The following TTLL9 variants were observed in gnomAD, a reference collection of about 807,000 sequenced individuals.
TTLL9 encodes tubulin tyrosine ligase like 9.
A neutral mutation model predicts 65.6 loss-of-function variants in TTLL9; 47 were observed. The observed-to-expected ratio is 0.72, with a 90% CI of 0.57 to 0.91. The LOEUF is 0.91. Ranked by LOEUF, TTLL9 falls within the 40% of genes least tolerant of loss-of-function variation. TTLL9 has a pLI of 0.00. For missense variants in TTLL9, 537 were observed against 568.8 expected, an observed-to-expected ratio of 0.94 and a Z score of 0.57; for synonymous variants, 179 against 204.8, an observed-to-expected ratio of 0.87 and a Z score of 1.07.
chr20:31,891,437 G>A (rs6061020), intron 3 of TTLL9, among the ~76,000 whole-genome samples: 59,321 of 151,652 alleles, frequency 0.39, 12,974 homozygotes, highest in African/African-American at 0.57. Context: ...TCTATTGCAT[G>A]TATTTTTAGT....
At chr20:31,880,321 AT>A (rs1215159372) in intron 2 of TTLL9, among the ~76,000 whole-genome samples, 1 of 152,096 alleles carries the variant, frequency 6.6e-6, no homozygotes, top group African/African-American at 2.4e-5. Context: ...AACAACGCTA[AT>A]TAGTGTCTTT....
At chr20:31,938,108 C>A (rs1352666575) in intron 13 of TTLL9, 1 of 319,790 alleles carries the variant, frequency 3.1e-6, no homozygotes, top group African/African-American at 2.6e-5. Flanking sequence ...CTCTCCCTCT[C>A]CCTCCCTCCC....
At chr20:31,928,487 C>A (rs867198400) in intron 10 of TTLL9, among the ~76,000 whole-genome samples, 136 of 151,024 alleles carry the variant, frequency 9.0e-4, no homozygotes, top group African/African-American at 3.2e-3. Flanking sequence ...CATTTTTAAC[C>A]TGACTTCATT....
chr20:31,920,035 A>T, intron 7 of TTLL9, 103 bp downstream of exon 7: 11 of 1,078,060 alleles, frequency 1.0e-5, no homozygotes, highest in Non-Finnish European at 1.4e-5. Context: ...CTGGCAGAGA[A>T]ACTCTGCCCA....
intron 14 of TTLL9, 94 bp from the exon 15 acceptor site, chr20:31,942,851 G>T: frequency 8.1e-7 from 1 of 1,233,516 alleles, no homozygotes. Flanking sequence ...TCTGACTCCC[G>T]CTGTCCCCTC....
rs1491310990 is a variant in TTLL9, at chr20:31,873,673, A to AG, written c.69+2478_69+2479insG. Among the ~76,000 whole-genome samples, 42 of 127,738 alleles carry AG rather than the reference A, an allele frequency of 3.3e-4. 1 individual carries two copies. The highest frequency in any genetic ancestry group is 1.3e-3 in the African/African-American group (38 of 29,440). 83.8% of individuals were successfully genotyped at this position (127,738 alleles called of 152,430 possible). ...AAAAAAAAAGACAAAAGAAAGAAAG[A>AG]AAGAGAGAGAGAGAAAGAAAGAAAG... On this transcript the variant is annotated intron_variant, in intron 2 of 14. Transcript: ENST00000535842.
intron 3 of TTLL9, among the ~76,000 whole-genome samples, chr20:31,896,987 T>C (rs2063396916): frequency 6.6e-6 from 1 of 152,240 alleles, no homozygotes; most frequent in African/African-American, 2.4e-5. Context: ...TGGTCTGTGG[T>C]TTACTTCTTG....
rs1255743451 is a variant in TTLL9 at position 31,926,049 on chromosome 20, G to C, written c.706G>C (p.Val236Leu). The change falls in exon 10 of 15, where the codon GTG (valine) becomes CTG (leucine). Residue 236 changes from valine (V) to leucine (L), a missense_variant and splice_region_variant. By Grantham distance (32) the Val-to-Leu change is conservative. Transcript: ENST00000535842. ...CCAAGTGAACTCCTTTGTCCCACAG[G>C]TGTTTGCTGAATGCCTGCTGTGGTC... ...DLRVYVLVMS[V>L]FAECLLWSGH... is the part of the protein sequence containing the mutation. The C allele has an allele frequency of 6.2e-7, 1 of 1,613,842 alleles. No homozygotes were observed. The highest frequency in any genetic ancestry group is 8.5e-7 in the Non-Finnish European group (1 of 1,179,946).
chr20:31,942,377 A>C (rs1409683694), intron 14 of TTLL9, among the ~76,000 whole-genome samples: 1 of 152,188 alleles, frequency 6.6e-6, no homozygotes, highest in East Asian at 1.9e-4. Context: ...ATTGGGGGCC[A>C]CATGTACGGA....
intron 6 of TTLL9, among the ~76,000 whole-genome samples, chr20:31,911,599 C>G (rs189341013): frequency 6.6e-6 from 1 of 152,168 alleles, no homozygotes; most frequent in Non-Finnish European, 1.5e-5. Flanking sequence ...TGAGGAAGGC[C>G]GTGGCTGGAG....
intron 6 of TTLL9, among the ~76,000 whole-genome samples, chr20:31,918,775 C>T (rs1028230170): frequency 1.3e-5 from 2 of 152,228 alleles, no homozygotes; most frequent in Non-Finnish European, 2.9e-5. Context: ...CTGATGCACA[C>T]TTATTAGTTG....
At chr20:31,940,134 T>C (rs986036340) in intron 14 of TTLL9, 2 of 152,198 alleles carry the variant, frequency 1.3e-5, no homozygotes, top group Admixed American at 1.3e-4. Context: ...AGCAGAATTA[T>C]TGGGCCAAAG....
At chr20:31,926,610 C>T (rs1448393690) in intron 10 of TTLL9, among the ~76,000 whole-genome samples, 1 of 152,156 alleles carries the variant, frequency 6.6e-6, no homozygotes, top group Admixed American at 6.5e-5. Context: ...ATTCACTGCA[C>T]AGCCTTGTTT....
chr20:31,920,540 TG>T (rs1260377585), intron 7 of TTLL9: 1 of 152,446 alleles, frequency 6.6e-6, no homozygotes, highest in Non-Finnish European at 1.5e-5. Context: ...TGGTGCAGGG[TG>T]GGTGGGAGGA....
intron 4 of TTLL9, among the ~76,000 whole-genome samples, chr20:31,899,559 A>G (rs1401193105): frequency 3.3e-5 from 5 of 152,008 alleles, no homozygotes; most frequent in African/African-American, 1.2e-4. Flanking sequence ...GCTTGAGCCG[A>G]AGAGGTCGAG....
chr20:31,925,924 A>C, intron 9 of TTLL9, 125 bp from the exon 10 acceptor site: 1 of 1,554,630 alleles, frequency 6.4e-7, no homozygotes, highest in Non-Finnish European at 8.7e-7. Flanking sequence ...CCGATTCTCC[A>C]ACACCCGCTT....
intron 11 of TTLL9, 147 bp downstream of exon 11, chr20:31,934,005 C>A: frequency 1.2e-6 from 1 of 801,060 alleles, no homozygotes; most frequent in Non-Finnish European, 1.9e-6. Context: ...ACTTGCAGGG[C>A]TCAGGGCAGG....
intron 11 of TTLL9, 150 bp from the exon 12 acceptor site, chr20:31,934,542 C>A: frequency 1.4e-6 from 1 of 733,720 alleles, no homozygotes; most frequent in Non-Finnish European, 2.3e-6. Context: ...AAGAGGGGCA[C>A]ACCTGGGGTC....
intron 6 of TTLL9, among the ~76,000 whole-genome samples, chr20:31,917,321 C>G (rs1437031803): frequency 6.6e-6 from 1 of 152,182 alleles, no homozygotes; most frequent in Non-Finnish European, 1.5e-5. Flanking sequence ...AGGATGACTA[C>G]CTTGTGTCTG....
Sources: gnomAD v4.1 joint callset for allele counts (sites outside exome capture counted in the v4.1 genomes callset) on GRCh38, gnomAD v4.1.1 for gene constraint, MANE v1.5 for transcripts, NCBI Gene and HGNC (gene_info 2026-07-23, HGNC 2026-07-21) for gene names.